CTNND2: variants seen among roughly 807,000 people sequenced by gnomAD.
CTNND2 encodes the protein catenin delta-2.
CTNND2 carries 22 observed loss-of-function variants against 144.4 expected under a neutral mutation model. That is an observed-to-expected ratio of 0.15 (90% confidence interval 0.11 to 0.22). CTNND2 has a LOEUF of 0.22. Ranked by LOEUF, CTNND2 falls within the 10% of genes least tolerant of loss-of-function variation. The pLI is 1.00. For missense variants in CTNND2, 1,353 were observed against 1,618.8 expected, an observed-to-expected ratio of 0.84 and a Z score of 2.82; for synonymous variants, 751 against 695.6, an observed-to-expected ratio of 1.08 and a Z score of -1.25.
At chr5:11,186,049 A>G (rs2149807510) in intron 11 of CTNND2, among the ~76,000 whole-genome samples, 1 of 152,378 alleles carries the variant, frequency 6.6e-6, no homozygotes, top group Middle Eastern at 3.4e-3. Flanking sequence ...AAAACAAAGC[A>G]CAAAGACCCA....
At chr5:11,440,834 C>T (rs1764196209) in intron 3 of CTNND2, among the ~76,000 whole-genome samples, 2 of 152,146 alleles carry the variant, frequency 1.3e-5, no homozygotes, top group Admixed American at 6.6e-5. Context: ...ATAGAGTTAT[C>T]GCTGAAGCTC....
intron 15 of CTNND2, among the ~76,000 whole-genome samples, chr5:11,088,548 G>A (rs963418159): frequency 2.6e-4 from 39 of 152,200 alleles, no homozygotes; most frequent in African/African-American, 8.7e-4. Context: ...GGGTGGAAGT[G>A]ATCTGGACTT....
chr5:11,243,277 T>C (rs1742643834), intron 9 of CTNND2, among the ~76,000 whole-genome samples: 2 of 152,324 alleles, frequency 1.3e-5, no homozygotes, highest in Admixed American at 6.5e-5. Context: ...TGCTCCACCA[T>C]TAACTGTCTC....
At chr5:11,250,501 A>C (rs1475086580) in intron 9 of CTNND2, among the ~76,000 whole-genome samples, 8 of 96,650 alleles carry the variant, frequency 8.3e-5, no homozygotes, top group African/African-American at 2.6e-4. Flanking sequence ...CTATATATAT[A>C]TATATATATA....
chr5:11,134,967 A>G (rs1046126767), intron 12 of CTNND2, among the ~76,000 whole-genome samples: 1 of 152,358 alleles, frequency 6.6e-6, no homozygotes. Context: ...ACAGGTCACA[A>G]GTTGGCCATG....
At chr5:11,331,161 T>A (rs916102561) in intron 9 of CTNND2, among the ~76,000 whole-genome samples, 1 of 152,202 alleles carries the variant, frequency 6.6e-6, no homozygotes, top group African/African-American at 2.4e-5. Flanking sequence ...TTTTCTAATA[T>A]AACTGAGCCT....
At chr5:11,655,746 T>C (rs1229506245) in intron 2 of CTNND2, among the ~76,000 whole-genome samples, 1 of 152,132 alleles carries the variant, frequency 6.6e-6, no homozygotes, top group African/African-American at 2.4e-5. Flanking sequence ...CCATATGTAC[T>C]AGAAGCAACC....
At chr5:11,046,291 T>C (rs968960718) in intron 16 of CTNND2, among the ~76,000 whole-genome samples, 4 of 152,070 alleles carry the variant, frequency 2.6e-5, no homozygotes, top group African/African-American at 4.8e-5. Context: ...GAAAGCACCA[T>C]GTGAAGATGA....
chr5:11,819,434 C>T (rs1793196088), intron 1 of CTNND2, among the ~76,000 whole-genome samples: 1 of 149,872 alleles, frequency 6.7e-6, no homozygotes, highest in Middle Eastern at 3.2e-3. Flanking sequence ...GATTCCAAGA[C>T]AGACAGACAG....
intron 9 of CTNND2, among the ~76,000 whole-genome samples, chr5:11,269,243 G>A (rs1046770252): frequency 1.3e-4 from 20 of 152,164 alleles, no homozygotes; most frequent in South Asian, 4.1e-4. Context: ...TTTGAACAGC[G>A]CTTACCCCAA....
At chr5:11,322,674 T>C (rs960120677) in intron 9 of CTNND2, among the ~76,000 whole-genome samples, 1 of 152,232 alleles carries the variant, frequency 6.6e-6, no homozygotes, top group African/African-American at 2.4e-5. Flanking sequence ...AAAAGTGCCC[T>C]ATTACAAGTG....
intron 9 of CTNND2, among the ~76,000 whole-genome samples, chr5:11,248,433 T>C (rs544900900): frequency 6.6e-6 from 1 of 152,000 alleles, no homozygotes; most frequent in South Asian, 2.1e-4. Flanking sequence ...TATATATGTA[T>C]AATACATATA....
intron 1 of CTNND2, among the ~76,000 whole-genome samples, chr5:11,755,098 T>C (rs1788860838): frequency 1.3e-5 from 2 of 151,806 alleles, no homozygotes; most frequent in Admixed American, 1.3e-4. Context: ...CTTTCCATAA[T>C]TAGCACTCCC....
intron 18 of CTNND2, among the ~76,000 whole-genome samples, chr5:11,001,630 A>G (rs767593385): frequency 1.9e-4 from 29 of 152,214 alleles, no homozygotes; most frequent in Non-Finnish European, 3.1e-4. Context: ...ATACATTCAG[A>G]GCCTTAGAAC....
intron 1 of CTNND2, among the ~76,000 whole-genome samples, chr5:11,773,516 A>G (rs1790064330): frequency 6.6e-6 from 1 of 152,234 alleles, no homozygotes; most frequent in African/African-American, 2.4e-5. Context: ...GGACTTAGTA[A>G]AAAAGCATGC....
intron 1 of CTNND2, among the ~76,000 whole-genome samples, chr5:11,761,068 G>A (rs1789234793): frequency 6.6e-6 from 1 of 152,092 alleles, no homozygotes; most frequent in South Asian, 2.1e-4. Context: ...GTGGCTACTG[G>A]TACTTGATGA....
intron 7 of CTNND2, among the ~76,000 whole-genome samples, chr5:11,378,214 G>A (rs569039361): frequency 1.3e-5 from 2 of 152,296 alleles, no homozygotes; most frequent in Admixed American, 1.3e-4. Context: ...GTGTTGAGGT[G>A]TAGGATGACA....
chr5:11,803,597 T>C (rs1455127629), intron 1 of CTNND2, among the ~76,000 whole-genome samples: 2 of 152,204 alleles, frequency 1.3e-5, no homozygotes, highest in African/African-American at 4.8e-5. Context: ...TACCGAAATA[T>C]TAAGGAAGTG....
intron 1 of CTNND2, among the ~76,000 whole-genome samples, chr5:11,788,083 T>C (rs983651226): frequency 6.6e-6 from 1 of 152,234 alleles, no homozygotes; most frequent in Admixed American, 6.5e-5. Context: ...ACAGAACTCA[T>C]TACCTAATGA....
Sources: gnomAD v4.1 joint callset for allele counts (sites outside exome capture counted in the v4.1 genomes callset) on GRCh38, gnomAD v4.1.1 for gene constraint, MANE v1.5 for transcripts, NCBI Gene and HGNC (gene_info 2026-07-23, HGNC 2026-07-21) for gene names.